The following ADAMTS2 variants were observed in gnomAD, a reference collection of about 807,000 sequenced individuals.
The protein encoded by ADAMTS2 is A disintegrin and metalloproteinase with thrombospondin motifs 2.
ADAMTS2 carries 50 observed loss-of-function variants against 123.0 expected under a neutral mutation model. That is an observed-to-expected ratio of 0.41 (90% CI 0.32 to 0.51). The LOEUF (loss-of-function observed/expected upper bound fraction) is 0.51. Among genes scored for constraint, ADAMTS2 ranks in the 20% least tolerant of loss-of-function variants. The pLI, the probability that ADAMTS2 is intolerant of heterozygous loss-of-function variation, is 0.35. For missense variants in ADAMTS2, 1,494 were observed against 1,705.2 expected (o/e 0.88, Z 2.18); for synonymous variants, 678 against 695.4 (o/e 0.98, Z 0.39).
In ADAMTS2 at chr5:179,272,759, C is replaced by T. The variant is rs892598786; in HGVS notation, c.688+152G>A. 7.0e-6 allele frequency: 7 copies of T among 1,000,754 alleles called. No homozygotes were observed. Among genetic ancestry groups the T allele is most frequent in the Non-Finnish European group, 1.0e-5 (7 of 696,180 alleles). 62.0% of individuals were successfully genotyped at this position (1,000,754 alleles called of 1,614,324 possible). ...CTGCTACGCCCTGCCGTCAGCCAGGCAGCTGGCCCATTTCTGAGCCACTGA... is the reference window on the plus strand; with the variant it reads ...CTGCTACGCCCTGCCGTCAGCCAGGTAGCTGGCCCATTTCTGAGCCACTGA... On this transcript the variant is annotated intron_variant, in intron 3 of 21. Coordinates refer to ENST00000251582, the MANE Select transcript of ADAMTS2 (RefSeq NM_014244.5). This position sits in a 1 kb window ranked among gnomAD's most constrained non-coding sequence, Gnocchi z 5.8.
At chr5:179,299,406 G>A (rs1284928006) in intron 2 of ADAMTS2, among the ~76,000 whole-genome samples, 2 of 106,858 alleles carry the variant, frequency 1.9e-5, no homozygotes, top group Non-Finnish European at 1.9e-5. Context: ...GCGGGCGCCT[G>A]TAGTCCCAGC....
At chr5:179,253,377 C>T (rs1307326578) in intron 3 of ADAMTS2, among the ~76,000 whole-genome samples, 1 of 152,098 alleles carries the variant, frequency 6.6e-6, no homozygotes, top group Non-Finnish European at 1.5e-5. Context: ...GGCGCAGTGG[C>T]TCAGGCCTAT....
At chr5:179,156,703 A>G (rs1763478978) in intron 6 of ADAMTS2, among the ~76,000 whole-genome samples, 1 of 152,084 alleles carries the variant, frequency 6.6e-6, no homozygotes, top group Non-Finnish European at 1.5e-5. Context: ...ATAATTTTAT[A>G]CAAATGGTTT....
chr5:179,245,240 C>A (rs1581216837), intron 3 of ADAMTS2, among the ~76,000 whole-genome samples: 2 of 152,080 alleles, frequency 1.3e-5, no homozygotes, highest in South Asian at 4.1e-4. Flanking sequence ...CCAAGGAATG[C>A]AGGTGGCCTC....
At chr5:179,147,405 C>A (rs1365324266) in intron 10 of ADAMTS2, among the ~76,000 whole-genome samples, 1 of 152,202 alleles carries the variant, frequency 6.6e-6, no homozygotes, top group Non-Finnish European at 1.5e-5. Context: ...AGCTTTTGAA[C>A]AAGCAGACCA....
At chr5:179,144,877 T>A (rs1038955315) in intron 10 of ADAMTS2, among the ~76,000 whole-genome samples, 6 of 152,152 alleles carry the variant, frequency 3.9e-5, no homozygotes, top group African/African-American at 1.4e-4. Flanking sequence ...TAAAAATAGA[T>A]AAATTAGACT....
chr5:179,266,768 GC>G (rs201191932), intron 3 of ADAMTS2, among the ~76,000 whole-genome samples: 1 of 151,526 alleles, frequency 6.6e-6, no homozygotes, highest in Non-Finnish European at 1.5e-5. Context: ...CCCATCCTGG[GC>G]CCCCCAGCCC....
chr5:179,223,678 G>A (rs888152616), intron 3 of ADAMTS2, among the ~76,000 whole-genome samples: 45 of 139,814 alleles, frequency 3.2e-4, no homozygotes, highest in African/African-American at 1.1e-3. Flanking sequence ...ACACATGAAT[G>A]CACTCACACA....
rs1424135024 is a variant in ADAMTS2 at position 179,228,106 on chromosome 5, C to T, written c.689-20391G>A. Among the ~76,000 whole-genome samples, 1 of 152,156 alleles carries T rather than the reference C, an allele frequency of 6.6e-6. No homozygotes were observed. The highest frequency in any genetic ancestry group is 2.1e-4 in the South Asian group (1 of 4,834). On this transcript the variant is annotated intron_variant, in intron 3 of 21. Transcript: ENST00000251582. This position sits in a 1 kb window ranked among gnomAD's most constrained non-coding sequence, Gnocchi z 5.2. The stretch of plus-strand genomic sequence containing the variant: ...TGAGATTTCTGTGGGGACACAAGGA[C>T]AGACACCCATGAGACACTCAGGCAG...
intron 5 of ADAMTS2, among the ~76,000 whole-genome samples, chr5:179,165,584 C>G (rs1763682275): frequency 6.6e-6 from 1 of 152,266 alleles, no homozygotes; most frequent in Non-Finnish European, 1.5e-5. Context: ...GCAGGACCAG[C>G]CAGGGACTTT....
intron 3 of ADAMTS2, among the ~76,000 whole-genome samples, chr5:179,233,304 G>A (rs1765452179): frequency 6.6e-6 from 1 of 152,226 alleles, no homozygotes; most frequent in Non-Finnish European, 1.5e-5. Context: ...TCCCATGACT[G>A]TGACAGTGTA....
intron 4 of ADAMTS2, among the ~76,000 whole-genome samples, chr5:179,198,753 G>A (rs1764489464): frequency 6.6e-6 from 1 of 151,930 alleles, no homozygotes; most frequent in Non-Finnish European, 1.5e-5. Flanking sequence ...AGAATTGCTT[G>A]AACCTGAGAG....
At chr5:179,266,957 C>G (rs187570387) in intron 3 of ADAMTS2, among the ~76,000 whole-genome samples, 1 of 152,194 alleles carries the variant, frequency 6.6e-6, no homozygotes, top group Non-Finnish European at 1.5e-5. Context: ...GCAACCAGTA[C>G]GAGCTTGCTG....
intron 2 of ADAMTS2, among the ~76,000 whole-genome samples, chr5:179,315,273 T>TCTGGAAAGCACTGAGGCCACAGTTGGCTG (rs1756958301): frequency 2.0e-5 from 3 of 152,198 alleles, no homozygotes; most frequent in African/African-American, 2.4e-5. Context: ...ACAGTTGGCT[T>TCTGGAAAGCACTGAGGCCACAGTTGGCTG]CTGGAAAGCA....
Position 179,295,085 on chromosome 5 carries a change from T to A in ADAMTS2, c.535-22021A>T, listed in dbSNP as rs150403440. ...AGCACCCTACTGGAGGCTGCTGGGT[T>A]TGTCTGTCATCCTCAGAGCCTGAGA... On this transcript the variant is annotated intron_variant, in intron 2 of 21. Transcript: ENST00000251582. 2.6e-5 allele frequency among the ~76,000 whole-genome samples: 4 copies of A among 152,338 alleles called. No homozygotes were observed. In the East Asian group the frequency reaches 7.7e-4, roughly 29 times the overall value.
chr5:179,123,775 G>T (rs998929095), intron 19 of ADAMTS2, among the ~76,000 whole-genome samples: 1 of 152,246 alleles, frequency 6.6e-6, no homozygotes, highest in African/African-American at 2.4e-5. Flanking sequence ...TGGGAACCAA[G>T]CTCATGGAAG....
In ADAMTS2 at chr5:179,256,700, G is replaced by C. The variant is rs1766064252; in HGVS notation, c.688+16211C>G. 6.6e-6 allele frequency among the ~76,000 whole-genome samples: 1 copy of C among 152,208 alleles called. No individual in the cohort carries two copies. Among genetic ancestry groups the C allele is most frequent in the African/African-American group, 2.4e-5 (1 of 41,442 alleles). On this transcript the variant is annotated intron_variant, in intron 3 of 21. Transcript: ENST00000251582. This position sits in a 1 kb window ranked among gnomAD's most constrained non-coding sequence, Gnocchi z 4.1. Reference sequence around the variant, plus strand: ...GGGTTGTGTTCGCCCATCCAGAGGAGGCACAGAGCCTCCCACCCAGTGCTG... The same window carrying C: ...GGGTTGTGTTCGCCCATCCAGAGGACGCACAGAGCCTCCCACCCAGTGCTG...
At chr5:179,216,955 G>T (rs891287173) in intron 3 of ADAMTS2, among the ~76,000 whole-genome samples, 3 of 152,250 alleles carry the variant, frequency 2.0e-5, no homozygotes, top group African/African-American at 7.2e-5. Flanking sequence ...GATACAGGAT[G>T]TCTATCGGAT....
chr5:179,127,670 C>A (rs1312879016), intron 17 of ADAMTS2, among the ~76,000 whole-genome samples: 2 of 152,102 alleles, frequency 1.3e-5, no homozygotes, highest in Non-Finnish European at 2.9e-5. Flanking sequence ...GGTGTCCACA[C>A]ATCAACCTCT....
Sources: gnomAD v4.1 joint callset for allele counts (sites outside exome capture counted in the v4.1 genomes callset) on GRCh38, gnomAD v4.1.1 for gene constraint, Gnocchi (gnomAD v3.1) non-coding constraint, MANE v1.5 for transcripts, NCBI Gene and HGNC (gene_info 2026-07-23, HGNC 2026-07-21) for gene names.